The following KIAA0825 variants were observed in gnomAD, a reference collection of about 807,000 sequenced individuals.
The protein encoded by KIAA0825 is uncharacterized protein KIAA0825.
In KIAA0825, 119 loss-of-function variants were observed where a neutral mutation model predicts 147.6. That is an observed-to-expected ratio of 0.81 (90% CI 0.69 to 0.94). KIAA0825 has a LOEUF of 0.94. Ranked by LOEUF, KIAA0825 falls within the 40% of genes least tolerant of loss-of-function variation. The pLI is 0.00. For missense variants in KIAA0825, 1,381 were observed against 1,472.7 expected (o/e 0.94, Z 1.02); for synonymous variants, 470 against 518.1 (o/e 0.91, Z 1.26).
At chr5:94,236,683 C>G (rs1775059099) in intron 20 of KIAA0825, among the ~76,000 whole-genome samples, 1 of 152,138 alleles carries the variant, frequency 6.6e-6, no homozygotes, top group African/African-American at 2.4e-5. Flanking sequence ...TGACAAACTT[C>G]ATTGTTCTCT....
chr5:94,253,373 T>G (rs549850941), intron 20 of KIAA0825, among the ~76,000 whole-genome samples: 1 of 152,260 alleles, frequency 6.6e-6, no homozygotes, highest in East Asian at 1.9e-4. Context: ...AATAAAAGAT[T>G]AAAAAAGGAA....
chr5:94,235,105 C>T (rs972170443), intron 20 of KIAA0825, among the ~76,000 whole-genome samples: 3 of 151,904 alleles, frequency 2.0e-5, no homozygotes, highest in Non-Finnish European at 2.9e-5. Flanking sequence ...AAGAGCTGCA[C>T]ATCTCTAACT....
At position 94,512,669 on chromosome 5, in the gene KIAA0825, G is replaced by A. The variant is rs560142655; in HGVS notation, c.970+7579C>T. Among the ~76,000 whole-genome samples the A allele has an allele frequency of 5.7e-4, 87 of 151,350 alleles. No homozygotes were observed. In the South Asian group the frequency reaches 0.015, roughly 27 times the overall value. On this transcript the variant is annotated intron_variant, in intron 5 of 20. Transcript: ENST00000682413. The stretch of plus-strand genomic sequence containing the variant: ...AGCAATTTGGGAGGCTGAGGTGGGC[G>A]GATCATCTGAGGTCAGGAGTTTGAG...
At chr5:94,220,139 A>G (rs987728510) in intron 20 of KIAA0825, among the ~76,000 whole-genome samples, 2 of 152,094 alleles carry the variant, frequency 1.3e-5, no homozygotes, top group Non-Finnish European at 2.9e-5. Context: ...TTTATTTTTT[A>G]CTTCTGAAAT....
At chr5:94,597,933 A>G (rs1785599008) in intron 1 of KIAA0825, among the ~76,000 whole-genome samples, 1 of 152,174 alleles carries the variant, frequency 6.6e-6, no homozygotes, top group Non-Finnish European at 1.5e-5. Context: ...TATGGCACTT[A>G]TCATTCATGG....
At position 94,417,345 on chromosome 5, in the gene KIAA0825, T is replaced by C. The variant is rs149155524; in HGVS notation, c.2518A>G (p.Asn840Asp). 1.3e-6 allele frequency: 2 copies of C among 1,545,196 alleles called. No homozygotes were observed. Among genetic ancestry groups the C allele is most frequent in the Non-Finnish European group, 1.8e-6 (2 of 1,141,644 alleles). The change falls in exon 15 of 21, where the codon AAT becomes GAT. Residue 840 changes from asparagine to aspartate, a missense_variant. Coordinates refer to ENST00000682413, the MANE Select transcript of KIAA0825 (RefSeq NM_001145678.3). ...AAGCTGGGTCCTTGGTTCAGGTTAT[T>C]TTCTGTGTCGGAAACTTGTTCTTGA... Reference protein sequence around the residue: ...KSSKQVSDTENNLNQGPSLME... With the variant: ...KSSKQVSDTEDNLNQGPSLME...
intron 20 of KIAA0825, among the ~76,000 whole-genome samples, chr5:94,289,303 AGGTGGG>A (rs1777784704): frequency 6.6e-6 from 1 of 152,144 alleles, no homozygotes. Flanking sequence ...TGGGAGGCAG[AGGTGGG>A]CGGATCACCT....
Position 94,386,419 on chromosome 5 carries a change from A to G in KIAA0825, c.3457-15T>C. ...TTTAAATATTCCTTCAAAGAAAAGA[A>G]ATTACAAGTTGTGACGGTGAGAAGC... On this transcript the variant is annotated splice_polypyrimidine_tract_variant and intron_variant, in intron 18 of 20. Transcript: ENST00000682413. 6.5e-7 allele frequency: 1 copy of G among 1,539,420 alleles called. No homozygotes were observed. Among genetic ancestry groups the G allele is most frequent in the Non-Finnish European group, 8.8e-7 (1 of 1,141,566 alleles).
intron 20 of KIAA0825, among the ~76,000 whole-genome samples, chr5:94,379,313 T>C (rs543839923): frequency 1.3e-5 from 2 of 152,350 alleles, no homozygotes; most frequent in East Asian, 3.9e-4. Context: ...GTTTCAATCT[T>C]TTGCGTATGG....
intron 20 of KIAA0825, among the ~76,000 whole-genome samples, chr5:94,356,640 T>C (rs1784294455): frequency 6.7e-6 from 1 of 149,286 alleles, no homozygotes; most frequent in Non-Finnish European, 1.5e-5. Flanking sequence ...AAAAAACACA[T>C]GAACTACATA....
intron 1 of KIAA0825, among the ~76,000 whole-genome samples, chr5:94,607,155 T>A (rs78478887): frequency 0.012 from 1,818 of 152,200 alleles, 32 homozygotes; most frequent in African/African-American, 0.041. Flanking sequence ...GGCTGGCACA[T>A]AGAAAGTATG....
At chr5:94,334,819 A>T (rs1362717764) in intron 20 of KIAA0825, among the ~76,000 whole-genome samples, 2 of 152,154 alleles carry the variant, frequency 1.3e-5, no homozygotes, top group East Asian at 3.8e-4. Flanking sequence ...TTATCATGGT[A>T]ATGGAAAGTC....
At chr5:94,226,879 T>C (rs1215204360) in intron 20 of KIAA0825, among the ~76,000 whole-genome samples, 1 of 150,896 alleles carries the variant, frequency 6.6e-6, no homozygotes, top group Admixed American at 6.6e-5. Context: ...ATGGCAATCA[T>C]TAAAAAGTCA....
At chr5:94,181,238 A>G (rs1046991239) in intron 20 of KIAA0825, among the ~76,000 whole-genome samples, 1 of 152,214 alleles carries the variant, frequency 6.6e-6, no homozygotes, top group African/African-American at 2.4e-5. Flanking sequence ...TGGAACTCCT[A>G]TACTTTAGAA....
intron 20 of KIAA0825, among the ~76,000 whole-genome samples, chr5:94,159,345 G>C (rs1767330465): frequency 6.6e-6 from 1 of 152,096 alleles, no homozygotes; most frequent in Non-Finnish European, 1.5e-5. Flanking sequence ...ATGCAACATA[G>C]GGGGTGCTAG....
chr5:94,226,895 C>A (rs1194456522), intron 20 of KIAA0825, among the ~76,000 whole-genome samples: 1 of 152,070 alleles, frequency 6.6e-6, no homozygotes, highest in African/African-American at 2.4e-5. Context: ...AGTCAGGAAA[C>A]AACAGGTGCT....
At chr5:94,497,654 A>G (rs1562560269) in intron 5 of KIAA0825, among the ~76,000 whole-genome samples, 1 of 152,184 alleles carries the variant, frequency 6.6e-6, no homozygotes, top group Non-Finnish European at 1.5e-5. Context: ...TTTAATGGCA[A>G]AAACCACAAT....
chr5:94,310,832 T>C (rs1403611015), intron 20 of KIAA0825, among the ~76,000 whole-genome samples: 2 of 151,690 alleles, frequency 1.3e-5, no homozygotes, highest in Non-Finnish European at 3.0e-5. Flanking sequence ...CTCCTAAGTT[T>C]GTTTTGAAAA....
At chr5:94,593,326 A>G in intron 1 of KIAA0825, 2 of 846,552 alleles carry the variant, frequency 2.4e-6, no homozygotes, top group South Asian at 2.6e-5. Flanking sequence ...CTTGGAAACC[A>G]TCCAGAACTT....
Sources: gnomAD v4.1 joint callset for allele counts (sites outside exome capture counted in the v4.1 genomes callset) on GRCh38, gnomAD v4.1.1 for gene constraint, MANE v1.5 for transcripts, NCBI Gene and HGNC (gene_info 2026-07-23, HGNC 2026-07-21) for gene names.